Variants in CADM2 observed in about 807,000 individuals in gnomAD.
CADM2 encodes the protein immunoglobulin superfamily member 4D.
CADM2 carries 12 observed loss-of-function variants against 49.8 expected under a neutral mutation model. The ratio of observed to expected loss-of-function variants is 0.24; its 90% confidence interval spans 0.15 to 0.39. CADM2 has a LOEUF of 0.39. CADM2 is among the 10% of genes least tolerant of loss of function. The pLI is 1.00. For missense variants in CADM2, 378 were observed against 492.3 expected, an observed-to-expected ratio of 0.77 and a Z score of 2.20; for synonymous variants, 214 against 175.4, an observed-to-expected ratio of 1.22 and a Z score of -1.74.
At chr3:85,598,844 T>G (rs1055051563) in intron 1 of CADM2, among the ~76,000 whole-genome samples, 2 of 132,152 alleles carry the variant, frequency 1.5e-5, no homozygotes, top group Admixed American at 1.5e-4. Context: ...TATACTTAAG[T>G]GTGTGTGTGT....
intron 3 of CADM2, among the ~76,000 whole-genome samples, chr3:85,864,574 T>C (rs1009257431): frequency 6.6e-6 from 1 of 152,232 alleles, no homozygotes. Flanking sequence ...AACATATCTT[T>C]GTCTTTTTGA....
intron 1 of CADM2, among the ~76,000 whole-genome samples, chr3:85,312,518 G>A (rs1199487351): frequency 3.3e-5 from 5 of 151,948 alleles, no homozygotes; most frequent in Non-Finnish European, 5.9e-5. Context: ...CATCTAGTTT[G>A]CTATGAATTA....
chr3:85,886,362 T>C, intron 5 of CADM2, 35 bp downstream of exon 5: 2 of 1,498,010 alleles, frequency 1.3e-6, no homozygotes, highest in Non-Finnish European at 1.9e-6. Context: ...AAAATTAATG[T>C]GCTGAAACCA....
intron 1 of CADM2, among the ~76,000 whole-genome samples, chr3:85,460,568 G>T (rs1010369482): frequency 1.6e-4 from 25 of 152,094 alleles, no homozygotes; most frequent in Admixed American, 1.4e-3. Context: ...TTTGTGAGAT[G>T]CCTTTAAAGT....
At chr3:85,886,487 A>C (rs1484492007) in intron 5 of CADM2, among the ~76,000 whole-genome samples, 160 bp downstream of exon 5, 1 of 152,180 alleles carries the variant, frequency 6.6e-6, no homozygotes, top group African/African-American at 2.4e-5. Context: ...TAATTTTACA[A>C]GATATATTAA....
chr3:85,885,211 T>A (rs1175240487), intron 4 of CADM2, among the ~76,000 whole-genome samples: 1 of 152,036 alleles, frequency 6.6e-6, no homozygotes, highest in East Asian at 1.9e-4. Context: ...TGATTGTTTT[T>A]AAGATTTACA....
intron 2 of CADM2, among the ~76,000 whole-genome samples, chr3:85,745,041 G>T (rs892687213): frequency 6.6e-6 from 1 of 152,116 alleles, no homozygotes; most frequent in Non-Finnish European, 1.5e-5. Context: ...AGAAGAAATT[G>T]CATTTAATTT....
intron 1 of CADM2, among the ~76,000 whole-genome samples, chr3:85,715,677 C>G (rs921937270): frequency 6.6e-6 from 1 of 151,962 alleles, no homozygotes; most frequent in Non-Finnish European, 1.5e-5. Context: ...GCTGACAGAC[C>G]CCAGTGTGTG....
chr3:85,389,975 A>G (rs1002467573), intron 1 of CADM2, among the ~76,000 whole-genome samples: 12 of 152,128 alleles, frequency 7.9e-5, no homozygotes, highest in African/African-American at 2.9e-4. Context: ...AGAGTAAAAG[A>G]ACAAGTCAGC....
At chr3:85,151,195 C>G (rs1195044743) in intron 1 of CADM2, among the ~76,000 whole-genome samples, 1 of 152,042 alleles carries the variant, frequency 6.6e-6, no homozygotes, top group African/African-American at 2.4e-5. Flanking sequence ...AGAGACTGCT[C>G]AGTTAATTTT....
At chr3:85,404,999 G>T (rs2035302878) in intron 1 of CADM2, among the ~76,000 whole-genome samples, 1 of 152,068 alleles carries the variant, frequency 6.6e-6, no homozygotes, top group African/African-American at 2.4e-5. Flanking sequence ...ATATACTTCA[G>T]ATATGACAAG....
At chr3:86,056,323 C>G (rs1310634216) in intron 8 of CADM2, among the ~76,000 whole-genome samples, 1 of 152,182 alleles carries the variant, frequency 6.6e-6, no homozygotes, top group African/African-American at 2.4e-5. Context: ...AGCCTGCATT[C>G]ACCAGCAAAA....
rs989827336 is a variant in CADM2 at position 85,777,172 on chromosome 3, AT to A, written c.89-24869del. Among the ~76,000 whole-genome samples the A allele has an allele frequency of 1.6e-4, 25 of 151,928 alleles. No individual in the cohort carries two copies. The Middle Eastern group carries it at 0.01, about 62-fold the overall frequency. ...TCAGCATTATCATTTTCATAAATAA[AT>A]TTTTTATGACATTCTCATGGTATTC... On this transcript the variant is annotated intron_variant, in intron 2 of 9. Transcript: ENST00000383699.
intron 3 of CADM2, among the ~76,000 whole-genome samples, chr3:85,846,358 G>C (rs1281889201): frequency 6.6e-6 from 1 of 152,086 alleles, no homozygotes; most frequent in African/African-American, 2.4e-5. Flanking sequence ...TAGAATGACT[G>C]AGCAACAGAG....
intron 1 of CADM2, among the ~76,000 whole-genome samples, chr3:85,396,702 T>G (rs1360627946): frequency 1.3e-5 from 2 of 152,050 alleles, no homozygotes; most frequent in African/African-American, 4.8e-5. Flanking sequence ...TACTAGGAAT[T>G]TTGGACATTC....
chr3:85,103,395 C>CA (rs367757319), intron 1 of CADM2, among the ~76,000 whole-genome samples: 149 of 150,144 alleles, frequency 9.9e-4, no homozygotes, highest in Middle Eastern at 3.4e-3. Flanking sequence ...TGAGCTTCAA[C>CA]AAAAAAAAAT....
chr3:85,932,324 G>A (rs1431523518), intron 6 of CADM2, among the ~76,000 whole-genome samples: 3 of 152,130 alleles, frequency 2.0e-5, no homozygotes, highest in Admixed American at 1.3e-4. Flanking sequence ...TTTTGAATAC[G>A]TCAAATGTGC....
intron 7 of CADM2, among the ~76,000 whole-genome samples, chr3:85,939,468 A>ACACACACACACAC (rs1553710489): frequency 2.2e-5 from 3 of 136,978 alleles, no homozygotes; most frequent in Admixed American, 7.6e-5. Context: ...AGTAAACGAA[A>ACACACACACACAC]ACACACACAC....
At chr3:85,728,575 A>G (rs926479409) in intron 2 of CADM2, among the ~76,000 whole-genome samples, 5 of 152,144 alleles carry the variant, frequency 3.3e-5, no homozygotes, top group African/African-American at 1.2e-4. Context: ...AATAAAACCC[A>G]AGATAATATA....
Sources: allele counts gnomAD v4.1 joint callset (sites outside exome capture counted in the v4.1 genomes callset), GRCh38; gene constraint gnomAD v4.1.1; transcripts MANE v1.5; gene names NCBI Gene and HGNC (gene_info 2026-07-23, HGNC 2026-07-21).